AGPAT4: variants seen among roughly 807,000 people sequenced by gnomAD.
AGPAT4 encodes the protein 1-acyl-sn-glycerol-3-phosphate acyltransferase delta.
In AGPAT4, 15 loss-of-function variants were observed where a neutral mutation model predicts 48.0. The observed-to-expected ratio is 0.31, with a 90% CI of 0.21 to 0.48. The LOEUF is 0.48. Ranked by LOEUF, AGPAT4 falls within the 20% of genes least tolerant of loss-of-function variation. The pLI is 0.99. For synonymous variants in AGPAT4, 178 were observed against 198.7 expected (o/e 0.90, Z 0.88); for missense variants, 314 against 482.5 (o/e 0.65, Z 3.27).
At position 161,143,900 on chromosome 6, in the gene AGPAT4, C is replaced by T. The variant is rs1779333043; in HGVS notation, c.843+2624G>A. On this transcript the variant is annotated intron_variant, in intron 7 of 8. Transcript: ENST00000320285. The surrounding 1 kb of genome is among the most constrained non-coding windows in gnomAD (Gnocchi z 4.7). ...CCCCTCCCATTTTGCAGAAACTTTA[C>T]TTGTCCATGAAATTGAAAAGTCAGA... The T allele has an allele frequency of 1.6e-5, 5 of 307,704 alleles. No individual in the cohort carries two copies. Among genetic ancestry groups the T allele is most frequent in the South Asian group, 1.4e-4 (5 of 35,852 alleles). The allele number at this position is 307,704 out of a possible 1,614,324, so 19.1% of individuals were successfully genotyped here. A position where few individuals can be genotyped will look rare whatever the true frequency, so the allele number is the denominator to read the frequency against.
chr6:161,187,984 T>C (rs2064721), intron 2 of AGPAT4, among the ~76,000 whole-genome samples: 40,894 of 152,178 alleles, frequency 0.27, 6,418 homozygotes, highest in South Asian at 0.38. Context: ...CTTTCCCTTA[T>C]TGAAATGTAA....
intron 3 of AGPAT4, among the ~76,000 whole-genome samples, chr6:161,156,733 C>T (rs1384065019): frequency 6.6e-6 from 1 of 152,210 alleles, no homozygotes; most frequent in Non-Finnish European, 1.5e-5. Context: ...TCATGATGGC[C>T]ATAACACCCA....
chr6:161,159,732 C>T lies in AGPAT4; in HGVS notation c.349-5422G>A, dbSNP rs1189155020. ...AATCTCAGCTCACTGCAATCTCTGC[C>T]TCCCGGGTTCAAGCGATTCTCCTGC... is the stretch of plus-strand genomic sequence containing the variant. On this transcript the variant is annotated intron_variant, in intron 3 of 8. Transcript: ENST00000320285. This position sits in a 1 kb window ranked among gnomAD's most constrained non-coding sequence, Gnocchi z 4.1. Among the ~76,000 whole-genome samples, 9 of 152,062 alleles carry T rather than the reference C, an allele frequency of 5.9e-5. No individual in the cohort carries two copies. Among genetic ancestry groups the T allele is most frequent in the Non-Finnish European group, 1.3e-4 (9 of 68,020 alleles).
chr6:161,207,639 G>A (rs1242473554), intron 2 of AGPAT4, among the ~76,000 whole-genome samples: 1 of 152,192 alleles, frequency 6.6e-6, no homozygotes, highest in Non-Finnish European at 1.5e-5. Flanking sequence ...AGAGATGACA[G>A]TAAACCACCG....
rs554177632 is a variant in AGPAT4, at chr6:161,158,691, C to A, written c.349-4381G>T. Among the ~76,000 whole-genome samples, 300 of 152,300 alleles carry A rather than the reference C, an allele frequency of 2.0e-3. 2 individuals are homozygous for A. Among genetic ancestry groups the A allele is most frequent in the Non-Finnish European group, 3.0e-3 (202 of 68,028 alleles). On this transcript the variant is annotated intron_variant, in intron 3 of 8. Transcript: ENST00000320285. The surrounding 1 kb of genome is among the most constrained non-coding windows in gnomAD (Gnocchi z 5.3). Reference sequence around the variant, plus strand: ...GAGGGCCTGAGACCCAGTACTCTGACCCTGACCTTCAGAAGCTCTACAGCC... The same window carrying A: ...GAGGGCCTGAGACCCAGTACTCTGAACCTGACCTTCAGAAGCTCTACAGCC...
rs1562309513 is a variant in AGPAT4, at chr6:161,140,721, G to A, written c.844-1101C>T. Among the ~76,000 whole-genome samples, 1 of 152,240 alleles carries A rather than the reference G, an allele frequency of 6.6e-6. No individual in the cohort carries two copies. Among genetic ancestry groups the A allele is most frequent in the African/African-American group, 2.4e-5 (1 of 41,472 alleles). ...ATGCCCGCTGGCCCGTCTAAGGGCA[G>A]GTCCTGGCCGTGAGGAGGGGCCAGG... On this transcript the variant is annotated intron_variant, in intron 7 of 8. Transcript: ENST00000320285. This position sits in a 1 kb window ranked among gnomAD's most constrained non-coding sequence, Gnocchi z 6.5.
At chr6:161,190,029 A>G (rs1780876795) in intron 2 of AGPAT4, among the ~76,000 whole-genome samples, 1 of 152,210 alleles carries the variant, frequency 6.6e-6, no homozygotes, top group Non-Finnish European at 1.5e-5. Context: ...TATGAAATAC[A>G]GGAATTAAAA....
intron 8 of AGPAT4, 109 bp from the exon 9 acceptor site, chr6:161,136,743 C>G (rs3734463): frequency 0.39 from 349,754 of 900,348 alleles, 72,818 homozygotes; most frequent in African/African-American, 0.64. Context: ...AGCGCCAGCT[C>G]AGAGCTGGCT....
At chr6:161,153,862 ATCACACACGGCCCCATGG>A (rs1779675616) in intron 4 of AGPAT4, among the ~76,000 whole-genome samples, 2 of 106,858 alleles carry the variant, frequency 1.9e-5, no homozygotes, top group Non-Finnish European at 3.9e-5. Flanking sequence ...TGGCCACATG[ATCACACACGGCCCCATGG>A]TCACACACAG....
rs1263307470 is a variant in AGPAT4, at chr6:161,234,986, G to A, written c.-89-2684C>T. On this transcript the variant is annotated intron_variant, in intron 1 of 8. Transcript: ENST00000320285. This position sits in a 1 kb window ranked among gnomAD's most constrained non-coding sequence, Gnocchi z 4.4. ...GATAGCATTGGTGAAGTGTAAAGAG[G>A]AACCCCAAGCAGATGAGCCTAAAGA... Among the ~76,000 whole-genome samples, 1 of 151,770 alleles carries A rather than the reference G, an allele frequency of 6.6e-6. No homozygotes were observed. The highest frequency in any genetic ancestry group is 1.5e-5 in the Non-Finnish European group (1 of 67,990).
chr6:161,216,907 G>T lies in AGPAT4; in HGVS notation c.178+15129C>A, dbSNP rs1781662021. Among the ~76,000 whole-genome samples the T allele has an allele frequency of 6.6e-6, 1 of 152,102 alleles. No homozygotes were observed. Among genetic ancestry groups the T allele is most frequent in the African/African-American group, 2.4e-5 (1 of 41,430 alleles). Reference sequence around the variant, plus strand: ...GAGATACAATTCAAGTTGAGATTTCGGTGGGGACACAGCCAAACCTATCAC... The same window carrying T: ...GAGATACAATTCAAGTTGAGATTTCTGTGGGGACACAGCCAAACCTATCAC... On this transcript the variant is annotated intron_variant, in intron 2 of 8. Transcript: ENST00000320285. The surrounding 1 kb of genome is among the most constrained non-coding windows in gnomAD (Gnocchi z 4.8).
At chr6:161,211,483 TAATTTCATATGAGAAA>T (rs1781521088) in intron 2 of AGPAT4, among the ~76,000 whole-genome samples, 1 of 152,046 alleles carries the variant, frequency 6.6e-6, no homozygotes, top group South Asian at 2.1e-4. Context: ...TAAAGAGAAA[TAATTTCATATGAGAAA>T]AAAATCTTGT....
intron 7 of AGPAT4, among the ~76,000 whole-genome samples, chr6:161,145,080 G>A (rs1779379901): frequency 6.6e-6 from 1 of 151,760 alleles, no homozygotes; most frequent in African/African-American, 2.4e-5. Context: ...GAAAACAGAA[G>A]GGGGAAATTC....
rs1424515408 is a variant in AGPAT4 at position 161,201,189 on chromosome 6, G to A, written c.178+30847C>T. Reference sequence around the variant, plus strand: ...GAGAAAATGAGCTGGCAGGGGAGTGGGGATTGGAGGCTGTTCAAGAGAGAC... The same window carrying A: ...GAGAAAATGAGCTGGCAGGGGAGTGAGGATTGGAGGCTGTTCAAGAGAGAC... On this transcript the variant is annotated intron_variant, in intron 2 of 8. Transcript: ENST00000320285. The surrounding 1 kb of genome is among the most constrained non-coding windows in gnomAD (Gnocchi z 6.0). Among the ~76,000 whole-genome samples, 1 of 152,130 alleles carries A rather than the reference G, an allele frequency of 6.6e-6. No individual in the cohort carries two copies. The highest frequency in any genetic ancestry group is 1.9e-4 in the East Asian group (1 of 5,186).
chr6:161,263,102 G>A (rs374133089), intron 1 of AGPAT4, among the ~76,000 whole-genome samples: 3 of 85,110 alleles, frequency 3.5e-5, no homozygotes, highest in Non-Finnish European at 6.4e-5. Flanking sequence ...TATTCTCGGC[G>A]GCGGTGGGCG....
At chr6:161,172,805 C>G (rs1339702402) in intron 2 of AGPAT4, among the ~76,000 whole-genome samples, 1 of 151,906 alleles carries the variant, frequency 6.6e-6, no homozygotes, top group East Asian at 1.9e-4. Context: ...CCCCCCACCC[C>G]ACAACAGGCC....
At position 161,267,636 on chromosome 6, in the gene AGPAT4, C is replaced by T. The variant is rs367809198; in HGVS notation, c.-90+6302G>A. On this transcript the variant is annotated intron_variant, in intron 1 of 8. Transcript: ENST00000320285. The surrounding 1 kb of genome is among the most constrained non-coding windows in gnomAD (Gnocchi z 5.2). ...ACTCAGGAGGCTGAGGCAGGAGAAT[C>T]GCTTGAACCCAGGAGGCAGAGGTTG... Among the ~76,000 whole-genome samples the T allele has an allele frequency of 1.3e-5, 2 of 152,030 alleles. No homozygotes were observed. Among genetic ancestry groups the T allele is most frequent in the East Asian group, 3.9e-4 (2 of 5,164 alleles).
chr6:161,146,460 A>T lies in AGPAT4; in HGVS notation c.843+64T>A. On this transcript the variant is annotated intron_variant, in intron 7 of 8. Transcript: ENST00000320285. The surrounding 1 kb of genome is among the most constrained non-coding windows in gnomAD (Gnocchi z 7.1). ...CCGGAGAAAGGCCTGCTACCACACAACACAGCCACACGGCGCACCCACAGC... is the reference window on the plus strand; with the variant it reads ...CCGGAGAAAGGCCTGCTACCACACATCACAGCCACACGGCGCACCCACAGC... 6.5e-7 allele frequency: 1 copy of T among 1,538,732 alleles called. No individual in the cohort carries two copies. Among genetic ancestry groups the T allele is most frequent in the South Asian group, 1.1e-5 (1 of 88,914 alleles).
At chr6:161,224,016 A>G (rs7763278) in intron 2 of AGPAT4, among the ~76,000 whole-genome samples, 82,503 of 152,072 alleles carry the variant, frequency 0.54, 23,515 homozygotes, top group African/African-American at 0.71. Context: ...TTTTTCTCCC[A>G]TCTATCATTC....
Sources: gnomAD v4.1 joint callset for allele counts (sites outside exome capture counted in the v4.1 genomes callset) on GRCh38, gnomAD v4.1.1 for gene constraint, Gnocchi (gnomAD v3.1) non-coding constraint, MANE v1.5 for transcripts, NCBI Gene and HGNC (gene_info 2026-07-23, HGNC 2026-07-21) for gene names.